Variants in SLC26A5 observed in about 807,000 individuals in gnomAD.
SLC26A5 encodes the protein solute carrier family 26 member 5.
A neutral mutation model predicts 81.0 loss-of-function variants in SLC26A5; 51 were observed. The ratio of observed to expected loss-of-function variants is 0.63; its 90% CI spans 0.50 to 0.80. The LOEUF (loss-of-function observed/expected upper bound fraction) is 0.80, where lower values mean the gene tolerates loss of function less well. Ranked by LOEUF, SLC26A5 falls within the 30% of genes least tolerant of loss-of-function variation. SLC26A5 has a pLI of 0.00. For missense variants in SLC26A5, 771 were observed against 905.8 expected (o/e 0.85, Z 1.91); for synonymous variants, 325 against 332.8 (o/e 0.98, Z 0.25).
chr7:103,357,988 A>G (rs995863328), intron 19 of SLC26A5, among the ~76,000 whole-genome samples: 3 of 152,128 alleles, frequency 2.0e-5, no homozygotes, highest in Non-Finnish European at 2.9e-5. Flanking sequence ...ATGCCTGTTT[A>G]ATGACAATTG....
At chr7:103,419,962 T>G (rs1321301555) in intron 4 of SLC26A5, among the ~76,000 whole-genome samples, 1 of 152,182 alleles carries the variant, frequency 6.6e-6, no homozygotes, top group East Asian at 1.9e-4. Flanking sequence ...GGATGGTTAG[T>G]GAGCTCCATG....
At chr7:103,363,621 T>C (rs1453491902) in intron 19 of SLC26A5, among the ~76,000 whole-genome samples, 1 of 152,028 alleles carries the variant, frequency 6.6e-6, no homozygotes, top group Non-Finnish European at 1.5e-5. Flanking sequence ...GCAAAAAGGA[T>C]TGAGTGGTCA....
At chr7:103,421,940 T>C (rs12533510) in intron 2 of SLC26A5, among the ~76,000 whole-genome samples, 16,984 of 152,182 alleles carry the variant, frequency 0.11, 1,186 homozygotes, top group African/African-American at 0.2. Flanking sequence ...AGTCCTTAAA[T>C]TGACTCAATG....
At chr7:103,356,642 T>A (rs1820050254) in intron 19 of SLC26A5, among the ~76,000 whole-genome samples, 2 of 152,266 alleles carry the variant, frequency 1.3e-5, no homozygotes, top group Admixed American at 1.3e-4. Flanking sequence ...GTTCTTGGGT[T>A]GTTTCTTGTT....
chr7:103,412,368 A>ACTAC (rs1471727686), intron 5 of SLC26A5, among the ~76,000 whole-genome samples: 1 of 152,190 alleles, frequency 6.6e-6, no homozygotes, highest in East Asian at 1.9e-4. Flanking sequence ...AACTTGAAGT[A>ACTAC]CTACCATTAG....
intron 8 of SLC26A5, among the ~76,000 whole-genome samples, chr7:103,401,578 C>T (rs1026053177): frequency 6.6e-6 from 1 of 152,144 alleles, no homozygotes; most frequent in Non-Finnish European, 1.5e-5. Flanking sequence ...ATTGTCCTGG[C>T]CAGAACTTCC....
intron 2 of SLC26A5, among the ~76,000 whole-genome samples, chr7:103,439,500 C>G (rs1826708195): frequency 6.6e-6 from 1 of 152,094 alleles, no homozygotes; most frequent in Non-Finnish European, 1.5e-5. Flanking sequence ...CTGCTCCAGT[C>G]ACATGGACTT....
At position 103,414,589 on chromosome 7, in the gene SLC26A5, T is replaced by A. The variant is rs140551350; in HGVS notation, c.293-1477A>T. ...TTTAAGGTTCCTTCATGTCTTTTCA[T>A]GGCTTGATAGCTCATTCCTTTTTAA... On this transcript the variant is annotated intron_variant, in intron 4 of 19. Coordinates refer to ENST00000306312, the MANE Select transcript of SLC26A5 (RefSeq NM_198999.3). 5.1e-3 allele frequency among the ~76,000 whole-genome samples: 784 copies of A among 152,326 alleles called. 6 individuals carry two copies. The highest frequency in any genetic ancestry group is 0.018 in the African/African-American group (750 of 41,576).
chr7:103,388,250 G>A (rs184349333), intron 14 of SLC26A5, among the ~76,000 whole-genome samples: 10 of 148,290 alleles, frequency 6.7e-5, no homozygotes, highest in Admixed American at 1.4e-4. Context: ...AGGCTGGAGC[G>A]TAGTGGTGTG....
chr7:103,396,440 A>G (rs1048420928), intron 9 of SLC26A5, among the ~76,000 whole-genome samples: 1 of 152,226 alleles, frequency 6.6e-6, no homozygotes, highest in Non-Finnish European at 1.5e-5. Context: ...TCATCAGTGG[A>G]TGCATGGAGA....
intron 2 of SLC26A5, among the ~76,000 whole-genome samples, chr7:103,440,547 T>G (rs1474041750): frequency 1.3e-5 from 2 of 152,242 alleles, no homozygotes; most frequent in Non-Finnish European, 2.9e-5. Flanking sequence ...GTACACTTCT[T>G]CCTACTTTAA....
chr7:103,359,160 TTTTTTTTTTTA>T (rs1820224043), intron 19 of SLC26A5, among the ~76,000 whole-genome samples: 2 of 129,766 alleles, frequency 1.5e-5, no homozygotes, highest in Admixed American at 7.8e-5. Flanking sequence ...TTTTTTTTTT[TTTTTTTTTTTA>T]ATTTTTAGTA....
chr7:103,409,029 G>GT (rs1448644404), intron 7 of SLC26A5, among the ~76,000 whole-genome samples: 5 of 152,170 alleles, frequency 3.3e-5, no homozygotes, highest in African/African-American at 9.7e-5. Context: ...TATTCCTAAA[G>GT]CCTGATTCCA....
At chr7:103,404,725 C>T (rs907459860) in intron 8 of SLC26A5, among the ~76,000 whole-genome samples, 8 of 152,108 alleles carry the variant, frequency 5.3e-5, no homozygotes, top group Non-Finnish European at 1.0e-4. Context: ...TGACTGTTGG[C>T]CTGTCTTGCT....
At chr7:103,374,191 GC>G, downstream of SLC26A5, 1 of 1,359,864 alleles carries the variant, frequency 7.4e-7, no homozygotes, top group South Asian at 1.8e-5. Context: ...CATAATAAAT[GC>G]AGGCAACAGG....
At chr7:103,424,266 T>C (rs1825564717) in intron 2 of SLC26A5, among the ~76,000 whole-genome samples, 1 of 152,174 alleles carries the variant, frequency 6.6e-6, no homozygotes. Context: ...CTTATAATCC[T>C]TTATGAAATG....
chr7:103,412,137 G>A (rs2116655680), intron 5 of SLC26A5, among the ~76,000 whole-genome samples: 1 of 152,306 alleles, frequency 6.6e-6, no homozygotes, highest in South Asian at 2.1e-4. Flanking sequence ...TGAACTGCAG[G>A]CACTATGGAA....
At chr7:103,354,274 A>T (rs529951278) in intron 19 of SLC26A5, among the ~76,000 whole-genome samples, 12 of 152,268 alleles carry the variant, frequency 7.9e-5, no homozygotes, top group Non-Finnish European at 1.5e-4. Context: ...CATTTACACA[A>T]GTTTACTATA....
chr7:103,390,563 G>T, intron 11 of SLC26A5, 57 bp from the exon 12 acceptor site: 1 of 1,409,500 alleles, frequency 7.1e-7, no homozygotes, highest in Non-Finnish European at 1.0e-6. Context: ...AAGAGGCAGG[G>T]CATAAGTTGG....
Sources: allele counts gnomAD v4.1 joint callset (sites outside exome capture counted in the v4.1 genomes callset), GRCh38; gene constraint gnomAD v4.1.1; transcripts MANE v1.5; gene names NCBI Gene and HGNC (gene_info 2026-07-23, HGNC 2026-07-21).